AGAP1: variants seen among roughly 807,000 people sequenced by gnomAD.
AGAP1 encodes the protein arf-GAP with GTPase, ANK repeat and PH domain-containing protein 1.
A neutral mutation model predicts 105.3 loss-of-function variants in AGAP1; 29 were observed. The observed-to-expected ratio is 0.28, with a 90% CI of 0.21 to 0.38. The LOEUF is 0.38. AGAP1 is among the 10% of genes least tolerant of loss of function. AGAP1 has a pLI of 1.00. For synonymous variants in AGAP1, 509 were observed against 485.9 expected, an observed-to-expected ratio of 1.05 and a Z score of -0.63; for missense variants, 998 against 1,165.1, an observed-to-expected ratio of 0.86 and a Z score of 2.09.
chr2:235,540,148 C>CTTTTTTTTTT (rs535395155), intron 1 of AGAP1, among the ~76,000 whole-genome samples: 60 of 129,096 alleles, frequency 4.6e-4, no homozygotes, highest in African/African-American at 1.8e-3. Context: ...CCTCTCTCCT[C>CTTTTTTTTTT]TTTTTTTTTT....
At chr2:235,532,648 G>A (rs536448888) in intron 1 of AGAP1, among the ~76,000 whole-genome samples, 2 of 152,310 alleles carry the variant, frequency 1.3e-5, no homozygotes, top group East Asian at 3.9e-4. Context: ...AATCATGGAT[G>A]TATTGAGATG....
At position 235,724,403 on chromosome 2, in the gene AGAP1, C is replaced by T. The variant is rs772074249; in HGVS notation, c.310+6759C>T. Among the ~76,000 whole-genome samples the T allele has an allele frequency of 1.3e-5, 2 of 152,206 alleles. No individual in the cohort carries two copies. Among genetic ancestry groups the T allele is most frequent in the South Asian group, 2.1e-4 (1 of 4,834 alleles). On this transcript the variant is annotated intron_variant, in intron 3 of 17. Transcript: ENST00000304032. This position sits in a 1 kb window ranked among gnomAD's most constrained non-coding sequence, Gnocchi z 4.9. ...CTGCCCCCATGCTCTGTCCCAGAGA[C>T]GGAACACACTGGTCACTGGGAGATT...
At chr2:235,838,464 G>A (rs1960427762) in intron 9 of AGAP1, among the ~76,000 whole-genome samples, 1 of 152,252 alleles carries the variant, frequency 6.6e-6, no homozygotes, top group South Asian at 2.1e-4. Flanking sequence ...TTTCCCAGGG[G>A]TAAGTGTTCA....
intron 1 of AGAP1, among the ~76,000 whole-genome samples, chr2:235,506,518 CAA>C (rs894231515): frequency 1.5e-5 from 2 of 130,444 alleles, no homozygotes; most frequent in African/African-American, 2.9e-5. Context: ...GATCTTGTCT[CAA>C]AAAAAAAAAA....
intron 12 of AGAP1, among the ~76,000 whole-genome samples, chr2:235,940,057 G>T (rs541271539): frequency 6.6e-6 from 1 of 152,154 alleles, no homozygotes; most frequent in South Asian, 2.1e-4. Context: ...CATCCAGAGC[G>T]TCTGTTTCTC....
chr2:235,703,038 C>T (rs1950338125), intron 1 of AGAP1, among the ~76,000 whole-genome samples: 1 of 149,274 alleles, frequency 6.7e-6, no homozygotes, highest in South Asian at 2.1e-4. Flanking sequence ...AGCAATTCTC[C>T]TGCCCCAGCC....
intron 1 of AGAP1, among the ~76,000 whole-genome samples, chr2:235,572,915 T>G (rs1487380398): frequency 6.6e-6 from 1 of 152,190 alleles, no homozygotes; most frequent in Non-Finnish European, 1.5e-5. Context: ...AGACTCCTTT[T>G]AGAACGTGAA....
chr2:235,765,429 G>A (rs1016910869), intron 6 of AGAP1, among the ~76,000 whole-genome samples: 12 of 152,090 alleles, frequency 7.9e-5, no homozygotes, highest in Admixed American at 6.5e-4. Context: ...GGGAACATGT[G>A]CCTGCACTTT....
chr2:235,607,757 G>A (rs1343910597), intron 1 of AGAP1, among the ~76,000 whole-genome samples: 1 of 152,200 alleles, frequency 6.6e-6, no homozygotes, highest in Non-Finnish European at 1.5e-5. Context: ...CCTCCTGGAG[G>A]TGGAAGGGCA....
chr2:235,909,877 C>T (rs1306873655), intron 11 of AGAP1, among the ~76,000 whole-genome samples: 4 of 151,944 alleles, frequency 2.6e-5, no homozygotes, highest in Non-Finnish European at 2.9e-5. Context: ...AAAAATTAGC[C>T]GGGCGTGGTA....
chr2:235,937,273 T>G (rs950375332), intron 12 of AGAP1, among the ~76,000 whole-genome samples: 14 of 152,184 alleles, frequency 9.2e-5, no homozygotes, highest in Non-Finnish European at 1.8e-4. Context: ...CTGACCCCGC[T>G]CCCTTCTGTG....
At position 235,889,248 on chromosome 2, in the gene AGAP1, C is replaced by G. The variant is rs1047398411; in HGVS notation, c.1155+5799C>G. ...CAGCAGGATGACCTGCTCTTTGAAA[C>G]TGTGGCTTCAGAACAAAGCAGCCAG... On this transcript the variant is annotated intron_variant, in intron 10 of 17. Transcript: ENST00000304032. This position sits in a 1 kb window ranked among gnomAD's most constrained non-coding sequence, Gnocchi z 4.6. Among the ~76,000 whole-genome samples the G allele has an allele frequency of 6.6e-6, 1 of 152,202 alleles. No individual in the cohort carries two copies. Among genetic ancestry groups the G allele is most frequent in the Non-Finnish European group, 1.5e-5 (1 of 68,038 alleles).
chr2:235,555,594 C>T lies in AGAP1; in HGVS notation c.163+60745C>T, dbSNP rs1057293605. On this transcript the variant is annotated intron_variant, in intron 1 of 17. Transcript: ENST00000304032. This position sits in a 1 kb window ranked among gnomAD's most constrained non-coding sequence, Gnocchi z 5.1. ...GGAAGAGGTAGTCATGTTTGGAGGCCGGGCTGTGCATGAGCTATGCAGGCC... is the reference window on the plus strand; with the variant it reads ...GGAAGAGGTAGTCATGTTTGGAGGCTGGGCTGTGCATGAGCTATGCAGGCC... Among the ~76,000 whole-genome samples, 3 of 152,322 alleles carry T rather than the reference C, an allele frequency of 2.0e-5. No individual in the cohort carries two copies. Among genetic ancestry groups the T allele is most frequent in the Non-Finnish European group, 4.4e-5 (3 of 68,018 alleles).
intron 1 of AGAP1, among the ~76,000 whole-genome samples, chr2:235,602,546 G>C (rs1284190719): frequency 6.6e-6 from 1 of 152,116 alleles, no homozygotes; most frequent in Non-Finnish European, 1.5e-5. Context: ...CGTGCCCTCT[G>C]CCTGAGTGCC....
At chr2:235,587,883 C>G (rs531221308) in intron 1 of AGAP1, among the ~76,000 whole-genome samples, 72 of 152,232 alleles carry the variant, frequency 4.7e-4, no homozygotes, top group African/African-American at 1.6e-3. Flanking sequence ...CACGCCTGCC[C>G]GGTCCCTGCA....
intron 13 of AGAP1, among the ~76,000 whole-genome samples, chr2:236,023,383 G>C (rs2056947272): frequency 1.3e-5 from 2 of 152,224 alleles, no homozygotes; most frequent in Admixed American, 1.3e-4. Flanking sequence ...GGCAGGATGG[G>C]AAGTAGGTTC....
At chr2:235,706,966 C>G (rs905207721) in intron 1 of AGAP1, among the ~76,000 whole-genome samples, 1 of 152,238 alleles carries the variant, frequency 6.6e-6, no homozygotes, top group South Asian at 2.1e-4. Context: ...CAATTAGTTA[C>G]CCCTGACTGA....
In AGAP1 at chr2:235,971,776, T is replaced by TTG. The variant is rs1559711518; in HGVS notation, c.1645+3153_1645+3154insTG. Among the ~76,000 whole-genome samples the TTG allele has an allele frequency of 1.5e-3, 214 of 145,956 alleles. 1 individual carries two copies. Among genetic ancestry groups the TTG allele is most frequent in the African/African-American group, 5.5e-3 (209 of 38,128 alleles). ...TTATTTATTTATTTATTTATTTATT[T>TTG]ATTTATTTATTGTATTTTTTGAGAC... On this transcript the variant is annotated intron_variant, in intron 13 of 17. Coordinates refer to ENST00000304032, the MANE Select transcript of AGAP1 (RefSeq NM_001037131.3). The surrounding 1 kb of genome is among the most constrained non-coding windows in gnomAD (Gnocchi z 4.8).
In AGAP1 at chr2:235,548,654, C is replaced by CCA. The variant is rs1553563411; in HGVS notation, c.163+53805_163+53806insCA. ...GGCAAAAAGTGCGAAACTCCGTCTTCAAAAAAAAAAAAAAAATGCCACGAT... is the reference window on the plus strand; with the variant it reads ...GGCAAAAAGTGCGAAACTCCGTCTTCCAAAAAAAAAAAAAAAAATGCCACGAT... On this transcript the variant is annotated intron_variant, in intron 1 of 17. Transcript: ENST00000304032. Among the ~76,000 whole-genome samples the CCA allele has an allele frequency of 1.0e-3, 138 of 135,166 alleles. 1 individual carries two copies. Among genetic ancestry groups the CCA allele is most frequent in the Middle Eastern group, 8.1e-3 (2 of 248 alleles). The allele number at this position is 135,166 out of a possible 152,430, so 88.7% of individuals were successfully genotyped here.
Sources: gnomAD v4.1 joint callset for allele counts (sites outside exome capture counted in the v4.1 genomes callset) on GRCh38, gnomAD v4.1.1 for gene constraint, Gnocchi (gnomAD v3.1) non-coding constraint, MANE v1.5 for transcripts, NCBI Gene and HGNC (gene_info 2026-07-23, HGNC 2026-07-21) for gene names.